The following IGSF10 variants were observed in gnomAD, a reference collection of about 807,000 sequenced individuals.
IGSF10 encodes the protein immunoglobulin superfamily member 10.
IGSF10 carries 126 observed loss-of-function variants against 128.2 expected under a neutral mutation model. The ratio of observed to expected loss-of-function variants is 0.98; its 90% CI spans 0.85 to 1.14. The LOEUF is 1.14. Among genes scored for constraint, IGSF10 ranks in the 50% most tolerant of loss-of-function variants. IGSF10 has a pLI of 0.00. For synonymous variants in IGSF10, 1,185 were observed against 1,146.2 expected (o/e 1.03, Z -0.68); for missense variants, 3,295 against 3,149.8 (o/e 1.05, Z -1.10).
the IGSF10 span, among the ~76,000 whole-genome samples, chr3:151,538,649 C>G: frequency 2.0e-5 from 3 of 152,096 alleles, no homozygotes; most frequent in South Asian, 6.2e-4. Flanking sequence ...CATCAGACCC[C>G]GAGCAGAATT....
At chr3:151,594,772 A>G in the IGSF10 span, among the ~76,000 whole-genome samples, 1 of 151,986 alleles carries the variant, frequency 6.6e-6, no homozygotes, top group African/African-American at 2.4e-5. Context: ...AAAAGAGAAG[A>G]TTTTAAAATA....
chr3:151,555,982 T>A, the IGSF10 span, among the ~76,000 whole-genome samples: 29 of 152,212 alleles, frequency 1.9e-4, no homozygotes, highest in African/African-American at 6.8e-4. Flanking sequence ...GTGTAACTTC[T>A]GAGCAAGTTT....
At chr3:151,462,638 G>A (rs1366623757), upstream of IGSF10, among the ~76,000 whole-genome samples, 1 of 152,342 alleles carries the variant, frequency 6.6e-6, no homozygotes, top group Non-Finnish European at 1.5e-5. Flanking sequence ...CCTATGGTCT[G>A]AACGTTTAAC....
chr3:151,450,476 C>T (rs764385309), intron 5 of IGSF10, among the ~76,000 whole-genome samples: 1 of 152,126 alleles, frequency 6.6e-6, no homozygotes, highest in Non-Finnish European at 1.5e-5. Flanking sequence ...AACTCTTCTG[C>T]GTGTACTACA....
In IGSF10 at chr3:151,445,677, G is replaced by A. The variant is rs368554216; in HGVS notation, c.4304C>T (p.Thr1435Ile). 14 of 1,614,198 alleles carry A rather than the reference G, an allele frequency of 8.7e-6. No individual in the cohort carries two copies. The highest frequency in any genetic ancestry group is 1.1e-5 in the Non-Finnish European group (13 of 1,180,044). ...AQASTQTLKS[T>I]IASETTLSSK... ...GGACAAAGTTGTTTCAGAAGCAATT[G>A]TGCTCTTCAAAGTCTGAGTACTTGC... is the stretch of plus-strand genomic sequence containing the variant. The change falls in exon 6 of 8, where the codon ACA becomes ATA. Residue 1435 changes from threonine to isoleucine, a missense_variant. Thr to Ile is a moderately conservative substitution (Grantham distance 89). Transcript: ENST00000282466.
the IGSF10 span, among the ~76,000 whole-genome samples, chr3:151,522,812 A>G: frequency 6.6e-6 from 1 of 152,146 alleles, no homozygotes; most frequent in African/African-American, 2.4e-5. Flanking sequence ...CTGCTGTTCA[A>G]CATAGTTTTG....
At chr3:151,615,611 T>G in the IGSF10 span, among the ~76,000 whole-genome samples, 1 of 151,994 alleles carries the variant, frequency 6.6e-6, no homozygotes, top group East Asian at 1.9e-4. Flanking sequence ...GTAGGAAAAA[T>G]TTTAAGTACG....
At chr3:151,559,605 G>C in the IGSF10 span, among the ~76,000 whole-genome samples, 2 of 152,052 alleles carry the variant, frequency 1.3e-5, no homozygotes, top group Admixed American at 6.6e-5. Context: ...TACTTTGTAG[G>C]ATCAAGGTAA....
At chr3:151,538,595 C>G in the IGSF10 span, among the ~76,000 whole-genome samples, 4 of 152,126 alleles carry the variant, frequency 2.6e-5, no homozygotes, top group East Asian at 7.7e-4. Flanking sequence ...TAAACAAACA[C>G]AATCACCAAG....
Position 151,449,240 on chromosome 3 carries a change from T to G in IGSF10, c.741A>C (p.Arg247Ser), listed in dbSNP as rs1381347415. 8 of 1,580,146 alleles carry G rather than the reference T, an allele frequency of 5.1e-6. No homozygotes were observed. The highest frequency in any genetic ancestry group is 2.3e-5 in the South Asian group (2 of 85,904). The stretch of plus-strand genomic sequence containing the variant: ...GACACTGCTGAGCACTAGAGGGACT[T>G]CTATCTTTTTTGCATTTTATTACAT... ...KPDVIKCKKDRSPSSAQQCPL... is the reference protein window; with the variant it reads ...KPDVIKCKKDSSPSSAQQCPL... Residue 247 changes from arginine (R) to serine (S), a missense_variant, in exon 6 of 8, where the codon AGA becomes AGC. Arg to Ser is a moderately radical substitution (Grantham distance 110). Transcript: ENST00000282466.
At chr3:151,559,439 T>C in the IGSF10 span, among the ~76,000 whole-genome samples, 5 of 152,152 alleles carry the variant, frequency 3.3e-5, no homozygotes, top group Non-Finnish European at 7.4e-5. Context: ...ATAAACACTA[T>C]ACAAAAATTG....
chr3:151,523,010 C>T, the IGSF10 span, among the ~76,000 whole-genome samples: 1 of 151,994 alleles, frequency 6.6e-6, no homozygotes, highest in Non-Finnish European at 1.5e-5. Context: ...ACTAGCATTC[C>T]TATATACCAA....
chr3:151,467,911 AAAAG>A, the IGSF10 span, among the ~76,000 whole-genome samples: 5 of 152,132 alleles, frequency 3.3e-5, no homozygotes, highest in East Asian at 1.9e-4. Flanking sequence ...AAAAAAGAAA[AAAAG>A]AAAGAAAAAT....
the IGSF10 span, among the ~76,000 whole-genome samples, chr3:151,551,430 G>T: frequency 6.6e-6 from 1 of 151,894 alleles, no homozygotes; most frequent in East Asian, 1.9e-4. Flanking sequence ...TTTTTCATGT[G>T]TTTTGCATCA....
At chr3:151,563,162 G>A in the IGSF10 span, among the ~76,000 whole-genome samples, 4 of 151,994 alleles carry the variant, frequency 2.6e-5, no homozygotes, top group African/African-American at 9.7e-5. Context: ...AATGCTCTCA[G>A]GTGTGTCTGC....
the IGSF10 span, among the ~76,000 whole-genome samples, chr3:151,502,928 GAGA>G: frequency 1.3e-5 from 2 of 152,056 alleles, no homozygotes; most frequent in Non-Finnish European, 2.9e-5. Context: ...GCTTTTTAGT[GAGA>G]AGGACAGATA....
Position 151,438,235 on chromosome 3 carries a change from A to G in IGSF10, c.6326T>C (p.Val2109Ala), listed in dbSNP as rs767970971. 1.9e-6 allele frequency: 3 copies of G among 1,614,064 alleles called. No homozygotes were observed. Among genetic ancestry groups the G allele is most frequent in the Non-Finnish European group, 2.5e-6 (3 of 1,180,018 alleles). ...ATAATCTCCTTCCTCCGCTACCCCAACTTTGTTGAAGTATAAAGTTCCATT... is the reference window on the plus strand; with the variant it reads ...ATAATCTCCTTCCTCCGCTACCCCAGCTTTGTTGAAGTATAAAGTTCCATT... The part of the protein sequence containing the change: ...FNNGTLYFNK[V>A]GVAEEGDYTC... The change falls in exon 8 of 8, where the codon GTT becomes GCT. Residue 2109 changes from valine (V) to alanine (A), a missense_variant. Transcript: ENST00000282466.
chr3:151,453,424 G>T lies in IGSF10; in HGVS notation c.675C>A (p.Cys225Ter), dbSNP rs774458130. 1.2e-5 allele frequency: 19 copies of T among 1,608,016 alleles called. No homozygotes were observed. Among genetic ancestry groups the T allele is most frequent in the East Asian group, 4.5e-5 (2 of 44,862 alleles). ...TCCAGTCAGACAACCACTTTAAATG[G>T]CAATCACAGGTCCATGGGTTTCCAT... ...YLHGNPWTCD[C>*]HLKWLSDWIQ... The change falls in exon 5 of 8, where the codon TGC (cysteine) becomes TGA (stop). Residue 225 changes from cysteine to a stop codon, truncating the protein, a stop_gained. Transcript: ENST00000282466. LOFTEE classifies it high-confidence loss of function.
chr3:151,553,284 CATT>C, the IGSF10 span, among the ~76,000 whole-genome samples: 2 of 152,042 alleles, frequency 1.3e-5, no homozygotes, highest in Non-Finnish European at 2.9e-5. Flanking sequence ...AATCACATAT[CATT>C]GTTGTAATCA....
Sources: gnomAD v4.1 joint callset for allele counts (sites outside exome capture counted in the v4.1 genomes callset) on GRCh38, gnomAD v4.1.1 for gene constraint, MANE v1.5 for transcripts, NCBI Gene and HGNC (gene_info 2026-07-23, HGNC 2026-07-21) for gene names.